The following MACROH2A1 variants were observed in gnomAD, a reference collection of about 807,000 sequenced individuals.
MACROH2A1 encodes core histone macro-H2A.1.
In MACROH2A1, 2 loss-of-function variants were observed where a neutral mutation model predicts 31.6. That is an observed-to-expected ratio of 0.06 (90% CI 0.03 to 0.20). MACROH2A1 has a LOEUF of 0.20. MACROH2A1 is among the 10% of genes least tolerant of loss of function. The pLI, the probability that MACROH2A1 is intolerant of heterozygous loss-of-function variation, is 1.00. For synonymous variants in MACROH2A1, 169 were observed against 189.6 expected (o/e 0.89, Z 0.89); for missense variants, 230 against 474.0 (o/e 0.49, Z 4.78).
intron 6 of MACROH2A1, chr5:135,351,179 G>T: frequency 3.3e-6 from 1 of 305,332 alleles, no homozygotes; most frequent in Non-Finnish European, 6.1e-6. Context: ...CATTTCCAAA[G>T]GTTAAAAGAA....
intron 8 of MACROH2A1, among the ~76,000 whole-genome samples, chr5:135,338,918 A>C (rs1759282706): frequency 6.6e-6 from 1 of 152,118 alleles, no homozygotes; most frequent in South Asian, 2.1e-4. Flanking sequence ...CCTCCACTAG[A>C]AATTAGGTGT....
At chr5:135,337,103 C>T (rs1758865005) in intron 8 of MACROH2A1, among the ~76,000 whole-genome samples, 1 of 152,228 alleles carries the variant, frequency 6.6e-6, no homozygotes, top group African/African-American at 2.4e-5. Flanking sequence ...GCTCCAAGGT[C>T]CCTACAGTGA....
In MACROH2A1 at chr5:135,334,630, G is replaced by A. The variant is rs1002906119; in HGVS notation, c.*346C>T. The A allele has an allele frequency of 4.9e-6, 1 of 203,940 alleles. No homozygotes were observed. Among genetic ancestry groups the A allele is most frequent in the Non-Finnish European group, 1.0e-5 (1 of 100,148 alleles). 12.6% of individuals were successfully genotyped at this position (203,940 alleles called of 1,614,324 possible). On this transcript the variant is annotated 3_prime_UTR_variant, in exon 9 of 9. Coordinates refer to ENST00000511689, the MANE Select transcript of MACROH2A1 (RefSeq NM_138610.3). ...AGCACCACAACACACGCTTACAAAC[G>A]GGGCTTCCTGGCTTCGGTGACAGGT... is the stretch of plus-strand genomic sequence containing the variant.
chr5:135,379,713 A>G (rs1765392849), intron 2 of MACROH2A1, among the ~76,000 whole-genome samples: 4 of 152,178 alleles, frequency 2.6e-5, no homozygotes, highest in African/African-American at 9.7e-5. Flanking sequence ...ACATTTGTGG[A>G]ATTCTTACCT....
At chr5:135,354,820 T>C (rs1429061808) in intron 5 of MACROH2A1, 1 of 339,642 alleles carries the variant, frequency 2.9e-6, no homozygotes, top group African/African-American at 2.2e-5. Context: ...CAAATGCTAT[T>C]TACAAAAACT....
chr5:135,373,780 A>G (rs897105917), intron 2 of MACROH2A1, among the ~76,000 whole-genome samples: 1 of 152,174 alleles, frequency 6.6e-6, no homozygotes, highest in Non-Finnish European at 1.5e-5. Flanking sequence ...CTGCCTCTCC[A>G]TACTCCTACC....
chr5:135,343,799 T>TGTTTG, intron 7 of MACROH2A1: 1 of 276,256 alleles, frequency 3.6e-6, no homozygotes, highest in Non-Finnish European at 7.0e-6. Context: ...ATAATTGTTT[T>TGTTTG]GGGTTTCCAA....
chr5:135,395,438 C>T (rs191379971), intron 1 of MACROH2A1, among the ~76,000 whole-genome samples: 61 of 152,286 alleles, frequency 4.0e-4, no homozygotes, highest in African/African-American at 1.4e-3. Context: ...TATCAGTGCT[C>T]AAATAACTGC....
At chr5:135,377,893 G>C (rs2149891670) in intron 2 of MACROH2A1, among the ~76,000 whole-genome samples, 1 of 152,190 alleles carries the variant, frequency 6.6e-6, no homozygotes, top group Non-Finnish European at 1.5e-5. Flanking sequence ...GACTTTCTAG[G>C]TTCTTTTTTC....
At chr5:135,381,942 G>A (rs1270003872) in intron 2 of MACROH2A1, among the ~76,000 whole-genome samples, 1 of 152,200 alleles carries the variant, frequency 6.6e-6, no homozygotes. Flanking sequence ...CTTTATAGAT[G>A]TGACAGACAT....
In MACROH2A1 at chr5:135,389,064, G is replaced by A. The variant is rs1373967115; in HGVS notation, c.30C>T (p.Ser10=). 6.2e-7 allele frequency: 1 copy of A among 1,613,838 alleles called. No homozygotes were observed. The highest frequency in any genetic ancestry group is 1.3e-5 in the African/African-American group (1 of 75,048). The change falls in exon 2 of 9, where the codon TCC becomes TCT. Residue 10 remains serine (S), a synonymous_variant. Transcript: ENST00000511689. Reference sequence around the variant, plus strand: ...CTTTGGCAGACCTGGACGTCTTGGTGGACTTCTTCTTCCCACCGCGGCTCG... The same window carrying A: ...CTTTGGCAGACCTGGACGTCTTGGTAGACTTCTTCTTCCCACCGCGGCTCG... MSSRGGKKK[S]TKTSRSAKAG... is the part of the protein sequence containing the mutation.
At chr5:135,377,525 C>T (rs1230998455) in intron 2 of MACROH2A1, among the ~76,000 whole-genome samples, 1 of 152,208 alleles carries the variant, frequency 6.6e-6, no homozygotes, top group Non-Finnish European at 1.5e-5. Context: ...AGGAGCAGAA[C>T]AGTGAGTTTC....
At position 135,394,072 on chromosome 5, in the gene MACROH2A1, GAAC is replaced by G. The variant is rs374104259; in HGVS notation, c.-33-4949_-33-4947del. ...GACCCCATGAATAAGGTGGACATGA[GAAC>G]AACAAGCTGTGTACTACTAGGAGGG... On this transcript the variant is annotated intron_variant, in intron 1 of 8. Transcript: ENST00000511689. Among the ~76,000 whole-genome samples, 401 of 152,216 alleles carry G rather than the reference GAAC, an allele frequency of 2.6e-3. 2 individuals carry two copies. The highest frequency in any genetic ancestry group is 9.0e-3 in the African/African-American group (375 of 41,516).
rs374063461 is a variant in MACROH2A1, at chr5:135,369,379, T to C, written c.477+27A>G. 5.1e-5 allele frequency: 82 copies of C among 1,594,164 alleles called. No individual in the cohort carries two copies. Among genetic ancestry groups the C allele is most frequent in the Non-Finnish European group, 6.6e-5 (77 of 1,162,024 alleles). Reference sequence around the variant, plus strand: ...TTATCCGTACCCCATCCTATCCCACTTCATACATTCTGGCCAAATCACATA... The same window carrying C: ...TTATCCGTACCCCATCCTATCCCACCTCATACATTCTGGCCAAATCACATA... On this transcript the variant is annotated intron_variant, in intron 4 of 8. Transcript: ENST00000511689. This position sits in a 1 kb window ranked among gnomAD's most constrained non-coding sequence, Gnocchi z 4.3.
At chr5:135,351,907 T>C (rs1761626275) in intron 6 of MACROH2A1, among the ~76,000 whole-genome samples, 1 of 149,944 alleles carries the variant, frequency 6.7e-6, no homozygotes, top group African/African-American at 2.5e-5. Context: ...ATCCTTGCTT[T>C]TTCTAGCTTG....
intron 7 of MACROH2A1, chr5:135,343,904 A>G (rs946851952): frequency 5.6e-6 from 1 of 179,342 alleles, no homozygotes; most frequent in African/African-American, 2.4e-5. Flanking sequence ...TAAATCTCCC[A>G]AACCCAATTC....
In MACROH2A1 at chr5:135,392,974, A is replaced by G. The variant is rs145456866; in HGVS notation, c.-33-3848T>C. ...CAAGTTCTCAGTAGTTAACAAAAAC[A>G]ATAATGTGAATAAGATGAAAAAAGG... On this transcript the variant is annotated intron_variant, in intron 1 of 8. Transcript: ENST00000511689. 1.4e-4 allele frequency among the ~76,000 whole-genome samples: 21 copies of G among 152,358 alleles called. No homozygotes were observed. The East Asian group carries it at 3.9e-3, about 28-fold the overall frequency.
chr5:135,347,914 T>C (rs1481707393), intron 6 of MACROH2A1, among the ~76,000 whole-genome samples: 3 of 152,226 alleles, frequency 2.0e-5, no homozygotes, highest in South Asian at 2.1e-4. Flanking sequence ...ACTGAGAAAT[T>C]TGAAAGGTAA....
intron 8 of MACROH2A1, among the ~76,000 whole-genome samples, chr5:135,337,542 ATTC>A (rs1469820567): frequency 6.6e-6 from 1 of 152,264 alleles, no homozygotes; most frequent in African/African-American, 2.4e-5. Flanking sequence ...GTGAGGAAAT[ATTC>A]TTTTCTATTC....
Sources: gnomAD v4.1 joint callset for allele counts (sites outside exome capture counted in the v4.1 genomes callset) on GRCh38, gnomAD v4.1.1 for gene constraint, Gnocchi (gnomAD v3.1) non-coding constraint, MANE v1.5 for transcripts, NCBI Gene and HGNC (gene_info 2026-07-23, HGNC 2026-07-21) for gene names.